TRAPPC9: variants seen among roughly 807,000 people sequenced by gnomAD.
TRAPPC9 encodes IKK2 binding protein.
TRAPPC9 carries 83 observed loss-of-function variants against 124.0 expected under a neutral mutation model. The observed-to-expected ratio is 0.67, with a 90% CI of 0.56 to 0.80. The LOEUF is 0.80. TRAPPC9 is among the 30% of genes least tolerant of loss of function. The pLI is 0.00. For synonymous variants in TRAPPC9, 638 were observed against 617.5 expected, an observed-to-expected ratio of 1.03 and a Z score of -0.49; for missense variants, 1,302 against 1,508.3, an observed-to-expected ratio of 0.86 and a Z score of 2.27.
At chr8:139,826,703 C>T (rs148361737) in intron 21 of TRAPPC9, among the ~76,000 whole-genome samples, 18 of 152,232 alleles carry the variant, frequency 1.2e-4, no homozygotes, top group Admixed American at 3.3e-4. Flanking sequence ...GAGTTGACGC[C>T]GTTCCTGTGG....
rs2071438370 is a variant in TRAPPC9 at position 140,451,025 on chromosome 8, CAA to C, written c.347_348del (p.Phe116CysfsTer58). On this transcript the variant is annotated frameshift_variant, in exon 2 of 23. Coordinates refer to ENST00000438773, the MANE Select transcript of TRAPPC9 (RefSeq NM_001160372.4). LOFTEE classifies it high-confidence loss of function. ...YGSTLYDSRL[F>X]VFGLQGEIVE... ...ACGATCTCCCCCTGCAGCCCGAAGA[CAA>C]AGAGCCGGGAGTCATACAGTGTGGA... 6.2e-7 allele frequency: 1 copy of C among 1,614,132 alleles called. No individual in the cohort carries two copies. The highest frequency in any genetic ancestry group is 8.5e-7 in the Non-Finnish European group (1 of 1,180,036).
At chr8:139,818,653 G>A (rs1294624720) in intron 21 of TRAPPC9, among the ~76,000 whole-genome samples, 6 of 152,184 alleles carry the variant, frequency 3.9e-5, no homozygotes, top group African/African-American at 1.4e-4. Flanking sequence ...CTATTGTGGG[G>A]GTAACCTGAC....
chr8:140,148,863 G>A (rs1192267397), intron 17 of TRAPPC9, among the ~76,000 whole-genome samples: 3 of 152,132 alleles, frequency 2.0e-5, no homozygotes, highest in African/African-American at 7.2e-5. Context: ...CTTGGGTTCA[G>A]TTTTTCTATT....
chr8:140,044,687 C>T (rs1480993249), intron 17 of TRAPPC9, among the ~76,000 whole-genome samples: 3 of 152,238 alleles, frequency 2.0e-5, no homozygotes, highest in Admixed American at 6.5e-5. Context: ...GGCACTGATA[C>T]GCAGGGCTTT....
intron 17 of TRAPPC9, among the ~76,000 whole-genome samples, chr8:140,080,937 C>T (rs1843778716): frequency 6.6e-6 from 1 of 152,190 alleles, no homozygotes. Flanking sequence ...CTCCCGAGGT[C>T]CTCATGGAAG....
chr8:139,740,349 G>T (rs1818470121), intron 21 of TRAPPC9, among the ~76,000 whole-genome samples: 3 of 152,248 alleles, frequency 2.0e-5, no homozygotes, highest in Admixed American at 2.0e-4. Flanking sequence ...TATAAGTAAA[G>T]GCTGTGCCCG....
chr8:140,424,339 G>GAAATT (rs988173761), intron 5 of TRAPPC9, among the ~76,000 whole-genome samples: 1 of 150,310 alleles, frequency 6.7e-6, no homozygotes, highest in Non-Finnish European at 1.5e-5. Flanking sequence ...GAAATGTTTA[G>GAAATT]AAATTAAATT....
intron 9 of TRAPPC9, among the ~76,000 whole-genome samples, chr8:140,355,573 G>GA (rs1191624460): frequency 4.8e-4 from 72 of 150,518 alleles, no homozygotes; most frequent in African/African-American, 1.7e-3. Flanking sequence ...AAGAGAAAAA[G>GA]AAAAAAAAAG....
chr8:139,855,089 C>G (rs897565370), intron 21 of TRAPPC9, among the ~76,000 whole-genome samples: 1 of 152,176 alleles, frequency 6.6e-6, no homozygotes, highest in Non-Finnish European at 1.5e-5. Context: ...GAGACGCTGC[C>G]TCCTCCACAA....
chr8:140,439,923 A>G (rs559778410), intron 2 of TRAPPC9, among the ~76,000 whole-genome samples: 4 of 152,302 alleles, frequency 2.6e-5, no homozygotes, highest in South Asian at 4.1e-4. Context: ...AAGCAAACTT[A>G]TCAAGAATAA....
intron 20 of TRAPPC9, among the ~76,000 whole-genome samples, chr8:139,896,449 T>C (rs1212005540): frequency 6.6e-6 from 1 of 152,236 alleles, no homozygotes; most frequent in Admixed American, 6.5e-5. Flanking sequence ...ACTCACCACT[T>C]TCAAGCTAAG....
intron 9 of TRAPPC9, among the ~76,000 whole-genome samples, chr8:140,326,407 T>C (rs930976729): frequency 6.6e-6 from 1 of 152,138 alleles, no homozygotes; most frequent in African/African-American, 2.4e-5. Flanking sequence ...ATGTGCCTCA[T>C]AAGTAGCAGT....
intron 21 of TRAPPC9, among the ~76,000 whole-genome samples, chr8:139,865,054 G>A (rs905695098): frequency 6.6e-6 from 1 of 152,144 alleles, no homozygotes; most frequent in Non-Finnish European, 1.5e-5. Context: ...TCAAGCCAGC[G>A]GTCTACATTC....
chr8:139,945,769 G>C (rs527590328), intron 19 of TRAPPC9, among the ~76,000 whole-genome samples: 1 of 152,298 alleles, frequency 6.6e-6, no homozygotes, highest in South Asian at 2.1e-4. Flanking sequence ...GAGTGATACA[G>C]AGTACACATT....
chr8:140,153,032 A>G (rs1315417345), intron 17 of TRAPPC9, among the ~76,000 whole-genome samples: 1 of 152,144 alleles, frequency 6.6e-6, no homozygotes, highest in Non-Finnish European at 1.5e-5. Flanking sequence ...TCCTTTATCC[A>G]TTTAAGGAAT....
intron 17 of TRAPPC9, among the ~76,000 whole-genome samples, chr8:140,057,125 C>T (rs555902183): frequency 6.6e-6 from 1 of 152,134 alleles, no homozygotes; most frequent in Non-Finnish European, 1.5e-5. Flanking sequence ...AAATGCAAAT[C>T]AAAAACATGA....
intron 17 of TRAPPC9, among the ~76,000 whole-genome samples, chr8:140,135,193 G>A (rs549258764): frequency 1.3e-5 from 2 of 152,266 alleles, no homozygotes; most frequent in East Asian, 3.9e-4. Context: ...TCGAGAAATT[G>A]AAACCCTTGT....
In TRAPPC9 at chr8:140,063,867, C is replaced by G. The variant is rs1272434600; in HGVS notation, c.2557-39788G>C. Reference sequence around the variant, plus strand: ...CAATTTGCCCGCTTCCTATCACACCCCTAAATGCAAGGCACACGGGTGGCC... The same window carrying G: ...CAATTTGCCCGCTTCCTATCACACCGCTAAATGCAAGGCACACGGGTGGCC... On this transcript the variant is annotated intron_variant, in intron 17 of 22. Transcript: ENST00000438773. The surrounding 1 kb of genome is among the most constrained non-coding windows in gnomAD (Gnocchi z 4.3). Among the ~76,000 whole-genome samples, 1 of 152,074 alleles carries G rather than the reference C, an allele frequency of 6.6e-6. No individual in the cohort carries two copies. Among genetic ancestry groups the G allele is most frequent in the African/African-American group, 2.4e-5 (1 of 41,390 alleles).
chr8:139,868,991 G>T (rs1195065747), intron 21 of TRAPPC9, among the ~76,000 whole-genome samples: 1 of 152,084 alleles, frequency 6.6e-6, no homozygotes, highest in Non-Finnish European at 1.5e-5. Flanking sequence ...GAAAGAGGAA[G>T]AAAATTATCA....
Sources: gnomAD v4.1 joint callset for allele counts (sites outside exome capture counted in the v4.1 genomes callset) on GRCh38, gnomAD v4.1.1 for gene constraint, Gnocchi (gnomAD v3.1) non-coding constraint, MANE v1.5 for transcripts, NCBI Gene and HGNC (gene_info 2026-07-23, HGNC 2026-07-21) for gene names.